The following SLC4A4 variants were observed in gnomAD, a reference collection of about 807,000 sequenced individuals.
SLC4A4 encodes the protein solute carrier family 4 member 4.
Under a neutral mutation model 111.5 loss-of-function variants are expected in SLC4A4, and 27 were observed. That is an observed-to-expected ratio of 0.24 (90% confidence interval 0.18 to 0.33). The LOEUF is 0.33. Among genes scored for constraint, SLC4A4 ranks in the 10% least tolerant of loss-of-function variants. The pLI is 1.00. For missense variants in SLC4A4, 909 were observed against 1,315.5 expected (o/e 0.69, Z 4.78); for synonymous variants, 443 against 463.4 (o/e 0.96, Z 0.57).
intron 1 of SLC4A4, among the ~76,000 whole-genome samples, chr4:71,210,149 G>A (rs72850666): frequency 0.018 from 2,675 of 152,272 alleles, 74 homozygotes; most frequent in African/African-American, 0.056. Flanking sequence ...GTAGCCCTGG[G>A]TGTCGCCCTG....
chr4:71,462,629 G>C (rs894419740), intron 12 of SLC4A4, among the ~76,000 whole-genome samples: 2 of 151,824 alleles, frequency 1.3e-5, no homozygotes, highest in African/African-American at 4.8e-5. Context: ...GGCTGGTCTC[G>C]AACTCCTCAC....
chr4:71,178,233 A>G (rs1301589832), intron 2 of SLC4A4, among the ~76,000 whole-genome samples: 1 of 152,186 alleles, frequency 6.6e-6, no homozygotes, highest in African/African-American at 2.4e-5. Flanking sequence ...AGCAGGAAAG[A>G]TCTAAAATTG....
rs151291280 is a variant in SLC4A4, at chr4:71,538,122, T to A, written c.2442+3734T>A. ...ACTAATATTTTTATTCTGAAAAAAA[T>A]TTGTTAACAAATTCTTAATTATGAT... On this transcript the variant is annotated intron_variant, in intron 18 of 25. Coordinates refer to ENST00000264485, the MANE Select transcript of SLC4A4 (RefSeq NM_001098484.3). 1.1e-3 allele frequency among the ~76,000 whole-genome samples: 172 copies of A among 152,128 alleles called. 1 individual carries two copies. Among genetic ancestry groups the A allele is most frequent in the Middle Eastern group, 6.8e-3 (2 of 294 alleles).
chr4:71,205,910 A>G (rs1439349840), intron 1 of SLC4A4, among the ~76,000 whole-genome samples: 2 of 152,206 alleles, frequency 1.3e-5, no homozygotes, highest in African/African-American at 2.4e-5. Context: ...CTTTCTTACT[A>G]TCAGATCTAG....
rs117542656 is a variant in SLC4A4, at chr4:71,482,406, A to G, written c.1904-4542A>G. Among the ~76,000 whole-genome samples the G allele has an allele frequency of 1.3e-4, 20 of 151,654 alleles. No homozygotes were observed. The East Asian group carries it at 2.9e-3, about 22-fold the overall frequency. On this transcript the variant is annotated intron_variant, in intron 14 of 25. Coordinates refer to ENST00000264485, the MANE Select transcript of SLC4A4 (RefSeq NM_001098484.3). Reference sequence around the variant, plus strand: ...TTAGGGGAAAAAAATTGAAATTCTAAAAGGAATTTAAATGAGCAGAATTGA... The same window carrying G: ...TTAGGGGAAAAAAATTGAAATTCTAGAAGGAATTTAAATGAGCAGAATTGA...
At chr4:71,064,372 T>C (rs912163067) in intron 1 of SLC4A4, among the ~76,000 whole-genome samples, 1 of 152,192 alleles carries the variant, frequency 6.6e-6, no homozygotes, top group African/African-American at 2.4e-5. Flanking sequence ...TAATTCCAAT[T>C]ACAGCAATCC....
intron 23 of SLC4A4, among the ~76,000 whole-genome samples, chr4:71,560,763 GATT>G (rs1736914272): frequency 6.6e-6 from 1 of 151,760 alleles, no homozygotes; most frequent in Non-Finnish European, 1.5e-5. Flanking sequence ...ATACTGATAT[GATT>G]CAGCATTATT....
At chr4:71,363,156 A>T (rs1251764511) in intron 6 of SLC4A4, among the ~76,000 whole-genome samples, 1 of 152,168 alleles carries the variant, frequency 6.6e-6, no homozygotes, top group African/African-American at 2.4e-5. Flanking sequence ...AGCATAGTCT[A>T]TTGCTGTTAC....
At chr4:71,284,316 G>T (rs1723743547) in intron 3 of SLC4A4, among the ~76,000 whole-genome samples, 1 of 152,200 alleles carries the variant, frequency 6.6e-6, no homozygotes, top group African/African-American at 2.4e-5. Context: ...AATCCTTGCT[G>T]TGATTTTTCT....
At chr4:71,182,205 T>C (rs1745314738) in intron 2 of SLC4A4, among the ~76,000 whole-genome samples, 1 of 152,216 alleles carries the variant, frequency 6.6e-6, no homozygotes, top group African/African-American at 2.4e-5. Context: ...ATGCCCCATA[T>C]TCTGTGGTAG....
At chr4:71,144,974 C>A (rs1381121864) in intron 2 of SLC4A4, among the ~76,000 whole-genome samples, 1 of 152,044 alleles carries the variant, frequency 6.6e-6, no homozygotes, top group African/African-American at 2.4e-5. Context: ...GCCAGAACTT[C>A]CAACACTATG....
chr4:71,097,727 G>A (rs192438658), intron 2 of SLC4A4, among the ~76,000 whole-genome samples: 44 of 152,196 alleles, frequency 2.9e-4, no homozygotes, highest in Admixed American at 9.2e-4. Context: ...TCTGATTGGT[G>A]TAAGGTGGTA....
chr4:71,357,015 T>C lies in SLC4A4; in HGVS notation c.558T>C (p.Ile186=). The change falls in exon 6 of 26, where the codon ATT becomes ATC. Residue 186 remains isoleucine, a synonymous_variant. Transcript: ENST00000264485. ...CTTTTGTTTTTGTACCAGAGATGAT[T>C]GTTGACCATCAGATTGAGACAGGCC... ...ASSLPQLVEM[I]VDHQIETGLL... The C allele has an allele frequency of 6.2e-7, 1 of 1,614,006 alleles. No homozygotes were observed. The highest frequency in any genetic ancestry group is 1.3e-5 in the African/African-American group (1 of 75,048).
At chr4:71,519,880 C>T (rs958121933) in intron 16 of SLC4A4, among the ~76,000 whole-genome samples, 2 of 152,088 alleles carry the variant, frequency 1.3e-5, no homozygotes, top group African/African-American at 4.8e-5. Flanking sequence ...GAGCTCCTGA[C>T]CTCAAGTGAT....
rs1744832727 is a variant in SLC4A4, at chr4:71,168,141, A to G, written c.-1-68435A>G. Among the ~76,000 whole-genome samples the G allele has an allele frequency of 4.8e-5, 7 of 144,492 alleles. No homozygotes were observed. The South Asian group carries it at 1.5e-3, about 31-fold the overall frequency. 94.8% of individuals were successfully genotyped at this position (144,492 alleles called of 152,430 possible). On this transcript the variant is annotated intron_variant, in intron 2 of 26. Transcript: ENST00000649996. ...AAATGGGGCATCTATTACCTCAAGCATTTATCCTTTGTGTTACAAACAATT... is the reference window on the plus strand; with the variant it reads ...AAATGGGGCATCTATTACCTCAAGCGTTTATCCTTTGTGTTACAAACAATT...
At chr4:71,513,085 T>C (rs913974740) in intron 16 of SLC4A4, among the ~76,000 whole-genome samples, 13 of 152,206 alleles carry the variant, frequency 8.5e-5, no homozygotes, top group African/African-American at 3.1e-4. Flanking sequence ...CTTTGTTCTT[T>C]TTGCTGCTCA....
chr4:71,199,525 G>A (rs7668783), intron 1 of SLC4A4, among the ~76,000 whole-genome samples: 24,225 of 152,144 alleles, frequency 0.16, 3,144 homozygotes, highest in African/African-American at 0.33. Flanking sequence ...ATGTAATACT[G>A]TGTATGCAAA....
intron 16 of SLC4A4, among the ~76,000 whole-genome samples, chr4:71,498,579 A>G (rs1303758060): frequency 1.3e-5 from 2 of 152,300 alleles, no homozygotes; most frequent in Middle Eastern, 3.4e-3. Flanking sequence ...TCCTTTTTCC[A>G]AATTCTAGGA....
rs76296216 is a variant in SLC4A4, at chr4:71,465,974, C to T, written c.1498-470C>T. Among the ~76,000 whole-genome samples, 466 of 152,084 alleles carry T rather than the reference C, an allele frequency of 3.1e-3. 5 individuals are homozygous for T. Among genetic ancestry groups the T allele is most frequent in the Admixed American group, 6.8e-3 (104 of 15,266 alleles). ...GCCCCTCTCTATTTCAAAGGTGTTTCTCTAGGAAAAAAATAGCTTTTGTAC... is the reference window on the plus strand; with the variant it reads ...GCCCCTCTCTATTTCAAAGGTGTTTTTCTAGGAAAAAAATAGCTTTTGTAC... On this transcript the variant is annotated intron_variant, in intron 12 of 25. Transcript: ENST00000264485.
Sources: gnomAD v4.1 joint callset for allele counts (sites outside exome capture counted in the v4.1 genomes callset) on GRCh38, gnomAD v4.1.1 for gene constraint, MANE v1.5 for transcripts, NCBI Gene and HGNC (gene_info 2026-07-23, HGNC 2026-07-21) for gene names.